Variants in TNRC6C observed in about 807,000 individuals in gnomAD.
TNRC6C encodes trinucleotide repeat containing adaptor 6C, also known as trinucleotide repeat-containing gene 6C protein.
In TNRC6C, 20 loss-of-function variants were observed where a neutral mutation model predicts 153.7. The observed-to-expected ratio is 0.13, with a 90% confidence interval of 0.09 to 0.19. The LOEUF is 0.19. Ranked by LOEUF, TNRC6C falls within the 10% of genes least tolerant of loss-of-function variation. The probability of loss-of-function intolerance (pLI) is 1.00; values close to 1 mark genes in which losing one functional copy is unlikely to be tolerated. For synonymous variants in TNRC6C, 811 were observed against 841.4 expected (o/e 0.96, Z 0.63); for missense variants, 1,987 against 2,172.0 (o/e 0.91, Z 1.69).
intron 1 of TNRC6C, among the ~76,000 whole-genome samples, chr17:77,983,844 GTTAACTGAATT>G (rs1249149624): frequency 1.3e-5 from 2 of 152,142 alleles, no homozygotes; most frequent in African/African-American, 4.8e-5. Context: ...TAGTGGGACT[GTTAACTGAATT>G]TTAAGGAGTA....
chr17:77,960,486 A>G (rs2070852933), intron 1 of TNRC6C, among the ~76,000 whole-genome samples: 1 of 152,220 alleles, frequency 6.6e-6, no homozygotes. Context: ...GATTTCCTGC[A>G]GTTGGAATTG....
intron 7 of TNRC6C, among the ~76,000 whole-genome samples, chr17:78,073,457 C>T (rs909343259): frequency 6.6e-6 from 1 of 152,212 alleles, no homozygotes. Flanking sequence ...GCCTAGGGGC[C>T]ACCAGAAGCG....
At chr17:78,057,815 A>T (rs1440292949) in intron 3 of TNRC6C, among the ~76,000 whole-genome samples, 3 of 150,224 alleles carry the variant, frequency 2.0e-5, no homozygotes, top group East Asian at 2.0e-4. Flanking sequence ...ATGATTTCTG[A>T]ATTACATTTT....
chr17:77,998,162 G>T (rs2071359094), intron 1 of TNRC6C, among the ~76,000 whole-genome samples: 1 of 151,882 alleles, frequency 6.6e-6, no homozygotes, highest in Non-Finnish European at 1.5e-5. Context: ...CCCCTTTGTG[G>T]CCAGACCCTT....
chr17:78,052,890 T>C (rs2072565947), intron 3 of TNRC6C, among the ~76,000 whole-genome samples: 1 of 152,232 alleles, frequency 6.6e-6, no homozygotes, highest in Non-Finnish European at 1.5e-5. Context: ...GGGCTGCACC[T>C]AGTCCCACAA....
chr17:77,986,977 T>C (rs543995070), intron 1 of TNRC6C, among the ~76,000 whole-genome samples: 1 of 152,286 alleles, frequency 6.6e-6, no homozygotes, highest in Non-Finnish European at 1.5e-5. Context: ...AAGAGCTAAT[T>C]TGAATAGTTC....
chr17:78,102,638 A>G (rs3751962), intron 18 of TNRC6C, 94 bp downstream of exon 21: 104,026 of 1,310,194 alleles, frequency 0.079, 4,890 homozygotes, highest in East Asian at 0.19. Context: ...GGGGCAGGAT[A>G]GTTGGGGGTT....
Position 78,006,543 on chromosome 17 carries a change from CTTCTTCTTCTT to C in TNRC6C, c.-546+1465_-546+1475del, listed in dbSNP as rs1442519132. On this transcript the variant is annotated intron_variant, in intron 1 of 19. Transcript: ENST00000301624. Reference sequence around the variant, plus strand: ...TCTTCTTCTTCTTCTTCTTCTTCTTCTTCTTCTTCTTCTTCTTCCTTCTTCCTTCTTCCTTC... The same window carrying C: ...TCTTCTTCTTCTTCTTCTTCTTCTTCCTTCTTCCTTCTTCCTTCTTCCTTC... Among the ~76,000 whole-genome samples, 801 of 128,454 alleles carry C rather than the reference CTTCTTCTTCTT, an allele frequency of 6.2e-3. 11 individuals carry two copies. The highest frequency in any genetic ancestry group is 0.012 in the African/African-American group (357 of 30,560). 84.3% of individuals were successfully genotyped at this position (128,454 alleles called of 152,430 possible). A position where few individuals can be genotyped will look rare whatever the true frequency, so the allele number is the denominator to read the frequency against.
chr17:77,963,121 C>T (rs1267280556), intron 1 of TNRC6C, among the ~76,000 whole-genome samples: 1 of 152,188 alleles, frequency 6.6e-6, no homozygotes, highest in Admixed American at 6.5e-5. Context: ...TTTAAATAGA[C>T]TTTAATGCAG....
intron 1 of TNRC6C, among the ~76,000 whole-genome samples, chr17:77,970,839 G>A (rs922619942): frequency 3.9e-5 from 6 of 152,088 alleles, no homozygotes; most frequent in Non-Finnish European, 8.8e-5. Flanking sequence ...CAAGACCCTT[G>A]TCTTTTAAAA....
intron 1 of TNRC6C, among the ~76,000 whole-genome samples, chr17:77,994,582 T>C (rs2071299781): frequency 6.6e-6 from 1 of 152,248 alleles, no homozygotes; most frequent in Non-Finnish European, 1.5e-5. Context: ...AGTTGTTATA[T>C]TGATAACTGC....
chr17:77,976,036 C>A (rs1479176799), intron 1 of TNRC6C, among the ~76,000 whole-genome samples: 1 of 152,050 alleles, frequency 6.6e-6, no homozygotes, highest in Non-Finnish European at 1.5e-5. Context: ...TTTCTCTGAG[C>A]CTTTGTTTGC....
rs58348772 is a variant in TNRC6C at position 78,086,328 on chromosome 17, TAAAAA to T, written c.3478-147_3478-143del. Reference sequence around the variant, plus strand: ...CTGGATGACAGAGCGAGACTCCATCTAAAAAAAAAAAAAAAAAAAAAAAAAAAAAA... The same window carrying T: ...CTGGATGACAGAGCGAGACTCCATCTAAAAAAAAAAAAAAAAAAAAAAAAA... On this transcript the variant is annotated intron_variant, in intron 11 of 19. Transcript: ENST00000301624. Among the ~76,000 whole-genome samples, 401 of 53,226 alleles carry T rather than the reference TAAAAA, an allele frequency of 7.5e-3. 1 individual carries two copies. Among genetic ancestry groups the T allele is most frequent in the Non-Finnish European group, 0.014 (326 of 23,322 alleles). The allele number at this position is 53,226 out of a possible 152,430, so 34.9% of individuals were successfully genotyped here.
chr17:78,069,837 T>G (rs957577193), intron 5 of TNRC6C, among the ~76,000 whole-genome samples: 1 of 152,204 alleles, frequency 6.6e-6, no homozygotes, highest in South Asian at 2.1e-4. Flanking sequence ...AAAACGTGTG[T>G]GTGTGTATGT....
intron 1 of TNRC6C, among the ~76,000 whole-genome samples, chr17:77,981,900 C>G (rs1210955864): frequency 2.0e-5 from 3 of 152,122 alleles, no homozygotes; most frequent in Non-Finnish European, 2.9e-5. Context: ...TTTGACAACC[C>G]CTAGGTATTG....
intron 1 of TNRC6C, among the ~76,000 whole-genome samples, chr17:78,030,325 C>T (rs9910024): frequency 0.09 from 13,533 of 149,758 alleles, 1,619 homozygotes; most frequent in African/African-American, 0.28. Flanking sequence ...TGTGTGTGTG[C>T]GTGTGTGTGT....
intron 1 of TNRC6C, among the ~76,000 whole-genome samples, chr17:78,030,436 G>T (rs1435052685): frequency 6.6e-6 from 1 of 152,002 alleles, no homozygotes; most frequent in Non-Finnish European, 1.5e-5. Flanking sequence ...GACTTTTTAT[G>T]TGACTGGCAG....
intron 3 of TNRC6C, among the ~76,000 whole-genome samples, chr17:78,054,771 AC>A (rs145976905): frequency 0.021 from 3,240 of 152,120 alleles, 105 homozygotes; most frequent in East Asian, 0.15. Context: ...ACTGTACACT[AC>A]TATACATTAC....
At chr17:78,054,347 A>G (rs528669698) in intron 3 of TNRC6C, among the ~76,000 whole-genome samples, 7 of 152,178 alleles carry the variant, frequency 4.6e-5, no homozygotes, top group African/African-American at 1.7e-4. Context: ...ACACTACTGC[A>G]GACTACGCAC....
Sources: allele counts gnomAD v4.1 joint callset (sites outside exome capture counted in the v4.1 genomes callset), GRCh38; gene constraint gnomAD v4.1.1; transcripts MANE v1.5; gene names NCBI Gene and HGNC (gene_info 2026-07-23, HGNC 2026-07-21).